TMEM87B: variants seen among roughly 807,000 people sequenced by gnomAD.
TMEM87B encodes the protein transmembrane protein 87B.
Under a neutral mutation model 80.3 loss-of-function variants are expected in TMEM87B, and 83 were observed. The observed-to-expected ratio is 1.03, with a 90% CI of 0.87 to 1.24. The LOEUF (loss-of-function observed/expected upper bound fraction) is 1.24, where lower values mean the gene tolerates loss of function less well. Among genes scored for constraint, TMEM87B ranks in the 50% most tolerant of loss-of-function variants. TMEM87B has a pLI of 0.00. For synonymous variants in TMEM87B, 219 were observed against 230.5 expected (o/e 0.95, Z 0.45); for missense variants, 625 against 674.4 (o/e 0.93, Z 0.81).
rs1334690625 is a variant in TMEM87B, at chr2:112,055,583, C to G, written c.-9C>G. 2.0e-6 allele frequency: 3 copies of G among 1,508,460 alleles called. No individual in the cohort carries two copies. The highest frequency in any genetic ancestry group is 2.7e-5 in the East Asian group (1 of 37,168). The allele number at this position is 1,508,460 out of a possible 1,614,324, so 93.4% of individuals were successfully genotyped here. A position where few individuals can be genotyped will look rare whatever the true frequency, so the allele number is the denominator to read the frequency against. ...GTCTCGGAGCGCCAGGTGCAGCTTCCTGGTCAAGATGGTCGCCGCCTGCCG... is the reference window on the plus strand; with the variant it reads ...GTCTCGGAGCGCCAGGTGCAGCTTCGTGGTCAAGATGGTCGCCGCCTGCCG... On this transcript the variant is annotated 5_prime_UTR_variant, in exon 1 of 19. Coordinates refer to ENST00000283206, the MANE Select transcript of TMEM87B (RefSeq NM_032824.3).
At chr2:112,088,791 C>T (rs181486601) in intron 9 of TMEM87B, among the ~76,000 whole-genome samples, 1 of 152,214 alleles carries the variant, frequency 6.6e-6, no homozygotes, top group African/African-American at 2.4e-5. Flanking sequence ...ACAAAAGTCT[C>T]ACTCTCGCTC....
intron 2 of TMEM87B, 119 bp from the exon 3 acceptor site, chr2:112,064,043 A>C: frequency 1.3e-6 from 1 of 751,324 alleles, no homozygotes; most frequent in African/African-American, 1.7e-5. Flanking sequence ...GAAATTAGCT[A>C]ATGTTTTACT....
rs1678981945 is a variant in TMEM87B, at chr2:112,081,096, C to T, written c.632C>T (p.Ala211Val). The change falls in exon 7 of 19, where the codon GCA becomes GTA. Residue 211 changes from alanine to valine, a missense_variant. By Grantham distance (64) the Ala-to-Val change is moderately conservative. Coordinates refer to ENST00000283206, the MANE Select transcript of TMEM87B (RefSeq NM_032824.3). Reference sequence around the variant, plus strand: ...ATTGGGCCTCATGGATATATCTCTGCATCAGATTGGCCCCTAATGATTGTG... The same window carrying T: ...ATTGGGCCTCATGGATATATCTCTGTATCAGATTGGCCCCTAATGATTGTG... ...SMIGPHGYIS[A>V]SDWPLMIFYM... The T allele has an allele frequency of 6.2e-7, 1 of 1,612,946 alleles. No homozygotes were observed. Among genetic ancestry groups the T allele is most frequent in the South Asian group, 1.1e-5 (1 of 91,056 alleles).
chr2:112,088,562 A>ATT (rs1203602401), intron 9 of TMEM87B, among the ~76,000 whole-genome samples: 1 of 152,178 alleles, frequency 6.6e-6, no homozygotes, highest in Non-Finnish European at 1.5e-5. Context: ...ACTATCTTAA[A>ATT]TATTTTTTTA....
At chr2:112,062,959 CACTAT>C (rs751737092) in intron 2 of TMEM87B, among the ~76,000 whole-genome samples, 4 of 152,190 alleles carry the variant, frequency 2.6e-5, no homozygotes, top group Admixed American at 6.5e-5. Context: ...TCCAGGGGAT[CACTAT>C]GCAGATTTCT....
Position 112,071,941 on chromosome 2 carries a change from T to G in TMEM87B, c.451-2971T>G, listed in dbSNP as rs189479000. On this transcript the variant is annotated intron_variant, in intron 4 of 18. Coordinates refer to ENST00000283206, the MANE Select transcript of TMEM87B (RefSeq NM_032824.3). Reference sequence around the variant, plus strand: ...AGTTTGTCATAGGTGGCTCTTATTATTTTGAGATCTGTTCCCTCAATACCT... The same window carrying G: ...AGTTTGTCATAGGTGGCTCTTATTAGTTTGAGATCTGTTCCCTCAATACCT... Among the ~76,000 whole-genome samples the G allele has an allele frequency of 3.6e-3, 541 of 152,322 alleles. 5 individuals carry two copies. The highest frequency in any genetic ancestry group is 0.013 in the African/African-American group (520 of 41,572).
chr2:112,115,842 C>T (rs1395140254), intron 18 of TMEM87B, among the ~76,000 whole-genome samples: 2 of 152,086 alleles, frequency 1.3e-5, no homozygotes, highest in South Asian at 2.1e-4. Context: ...CTCTATGTTG[C>T]CCAGGCCGGT....
intron 8 of TMEM87B, among the ~76,000 whole-genome samples, chr2:112,084,169 A>C (rs1679077354): frequency 6.6e-6 from 1 of 152,184 alleles, no homozygotes. Context: ...TACAGGCCAC[A>C]CTGTACCAGA....
At chr2:112,065,731 C>T (rs2104458029) in intron 3 of TMEM87B, among the ~76,000 whole-genome samples, 1 of 151,836 alleles carries the variant, frequency 6.6e-6, no homozygotes, top group South Asian at 2.1e-4. Flanking sequence ...ACACACACTC[C>T]ACACCCCATA....
chr2:112,060,644 C>T (rs1573677606), intron 2 of TMEM87B, among the ~76,000 whole-genome samples: 1 of 151,674 alleles, frequency 6.6e-6, no homozygotes, highest in South Asian at 2.1e-4. Context: ...TCAAGTGATT[C>T]TCCTGCCTCA....
chr2:112,115,430 A>G (rs1489780160), intron 18 of TMEM87B, among the ~76,000 whole-genome samples: 2 of 144,068 alleles, frequency 1.4e-5, no homozygotes, highest in Non-Finnish European at 3.0e-5. Flanking sequence ...GTAGCATTAC[A>G]GAAAGATTCA....
chr2:112,072,895 C>CTTTTTTTTT (rs71226782), intron 4 of TMEM87B, among the ~76,000 whole-genome samples: 150 of 82,986 alleles, frequency 1.8e-3, no homozygotes, highest in Non-Finnish European at 2.2e-3. Context: ...AACTCTTCTT[C>CTTTTTTTTT]TTTTTTTTTT....
intron 4 of TMEM87B, among the ~76,000 whole-genome samples, chr2:112,072,895 C>CTTTT (rs71226782): frequency 0.011 from 906 of 82,956 alleles, 3 homozygotes; most frequent in Non-Finnish European, 0.014. Context: ...AACTCTTCTT[C>CTTTT]TTTTTTTTTT....
Position 112,067,057 on chromosome 2 carries a change from C to T in TMEM87B, c.440C>T (p.Pro147Leu). The T allele has an allele frequency of 6.2e-7, 1 of 1,609,952 alleles. No individual in the cohort carries two copies. Among genetic ancestry groups the T allele is most frequent in the South Asian group, 1.1e-5 (1 of 89,820 alleles). Residue 147 changes from proline to leucine, a missense_variant, in exon 4 of 19, where the codon CCC becomes CTC. Coordinates refer to ENST00000283206, the MANE Select transcript of TMEM87B (RefSeq NM_032824.3). ...TGCAACAGTGATTCACAGGTGTTTC[C>T]CTCTTTGAATGTGAGTATCTGACTT... ...LDCNSDSQVF[P>L]SLNNKELINI... is the part of the protein sequence containing the mutation.
chr2:112,067,094 G>T (rs1457613552), intron 4 of TMEM87B, 27 bp downstream of exon 4: 2 of 1,602,916 alleles, frequency 1.2e-6, no homozygotes. Flanking sequence ...CCATGTTAAA[G>T]TTTATTTTAT....
At chr2:112,099,555 T>TATATATATAC (rs1019425429) in intron 14 of TMEM87B, among the ~76,000 whole-genome samples, 16 of 73,554 alleles carry the variant, frequency 2.2e-4, no homozygotes, top group Non-Finnish European at 3.8e-4. Flanking sequence ...TATATATATA[T>TATATATATAC]ACACACACAC....
chr2:112,065,518 G>T (rs921932380), intron 3 of TMEM87B, among the ~76,000 whole-genome samples: 1 of 151,852 alleles, frequency 6.6e-6, no homozygotes, highest in African/African-American at 2.4e-5. Context: ...AGTGGCATGT[G>T]CCTATAGTCC....
At chr2:112,057,706 A>G (rs2104450230) in intron 1 of TMEM87B, among the ~76,000 whole-genome samples, 2 of 152,336 alleles carry the variant, frequency 1.3e-5, no homozygotes, top group South Asian at 4.1e-4. Context: ...ACGTTCACAC[A>G]ATAATACGGA....
intron 6 of TMEM87B, among the ~76,000 whole-genome samples, chr2:112,078,255 T>G (rs898492127): frequency 2.0e-5 from 3 of 152,160 alleles, no homozygotes; most frequent in Non-Finnish European, 4.4e-5. Flanking sequence ...GAACAGAAAT[T>G]TATTTCCCCA....
Sources: allele counts gnomAD v4.1 joint callset (sites outside exome capture counted in the v4.1 genomes callset), GRCh38; gene constraint gnomAD v4.1.1; transcripts MANE v1.5; gene names NCBI Gene and HGNC (gene_info 2026-07-23, HGNC 2026-07-21).